The following CD8B2 variants were observed in gnomAD, a reference collection of about 807,000 sequenced individuals.
The protein encoded by CD8B2 is T-cell surface glycoprotein CD8 beta-2 chain.
In CD8B2, 11 loss-of-function variants were observed where a neutral mutation model predicts 23.7. That is an observed-to-expected ratio of 0.46 (90% CI 0.29 to 0.77). The LOEUF is 0.77. CD8B2 is among the 30% of genes least tolerant of loss of function. CD8B2 has a pLI of 0.09. For synonymous variants in CD8B2, 90 were observed against 109.3 expected, an observed-to-expected ratio of 0.82 and a Z score of 1.10; for missense variants, 197 against 270.5, an observed-to-expected ratio of 0.73 and a Z score of 1.91.
chr2:106,516,077 G>A (rs192356684), downstream of CD8B2, among the ~76,000 whole-genome samples: 705 of 151,736 alleles, frequency 4.6e-3, 2 homozygotes, highest in Non-Finnish European at 8.5e-3. Flanking sequence ...TAATCCACCC[G>A]CCTTGGCCTC....
chr2:106,501,965 A>G (rs1679416692), intron 3 of CD8B2, among the ~76,000 whole-genome samples: 1 of 152,188 alleles, frequency 6.6e-6, no homozygotes, highest in African/African-American at 2.4e-5. Flanking sequence ...GAAATTTTAT[A>G]ATAAAATGAT....
intron 3 of CD8B2, among the ~76,000 whole-genome samples, chr2:106,500,507 A>G (rs1679384313): frequency 6.7e-6 from 1 of 149,898 alleles, no homozygotes; most frequent in African/African-American, 2.5e-5. Context: ...CAACAACAGC[A>G]AAACTCCGTC....
chr2:106,500,001 C>G, intron 3 of CD8B2, among the ~76,000 whole-genome samples: 1 of 124,924 alleles, frequency 8.0e-6, no homozygotes, highest in Non-Finnish European at 1.6e-5. Context: ...GGCTTGTTCC[C>G]CTCTAGTGAC....
intron 5 of CD8B2, chr2:106,521,608 C>G (rs1679827388): frequency 6.6e-6 from 1 of 152,204 alleles, no homozygotes; most frequent in Non-Finnish European, 1.5e-5. Flanking sequence ...GGAGGGAGGC[C>G]TGGTGCTTTA....
chr2:106,535,977 A>G (rs1043454664), intron 5 of CD8B2, among the ~76,000 whole-genome samples: 12 of 150,128 alleles, frequency 8.0e-5, no homozygotes, highest in Non-Finnish European at 1.5e-5. Context: ...GGAGGCAGGT[A>G]TGTCTTACAT....
At chr2:106,505,375 GC>G (rs966852096) in intron 5 of CD8B2, among the ~76,000 whole-genome samples, 5 of 152,120 alleles carry the variant, frequency 3.3e-5, no homozygotes, top group African/African-American at 9.7e-5. Context: ...AATCCCGTCT[GC>G]CAATCACCAT....
intron 5 of CD8B2, among the ~76,000 whole-genome samples, chr2:106,540,711 C>T (rs866082019): frequency 1.1e-4 from 16 of 152,054 alleles, no homozygotes; most frequent in Non-Finnish European, 1.3e-4. Flanking sequence ...ATTACAGGCG[C>T]CTACCACCAC....
In CD8B2 at chr2:106,510,541, C is replaced by A. The variant is rs989712075; in HGVS notation, c.*3601C>A. On this transcript the variant is annotated 3_prime_UTR_variant, in exon 6 of 6. Transcript: ENST00000643224. ...CTCAGGAGTTTGAGAGCAGCCTAGG[C>A]AACATAGCAAGACCTCGACTCTACA... is the stretch of plus-strand genomic sequence containing the variant. 1 of 152,060 alleles carries A rather than the reference C, an allele frequency of 6.6e-6. No homozygotes were observed. Among genetic ancestry groups the A allele is most frequent in the African/African-American group, 2.4e-5 (1 of 41,390 alleles). The allele number at this position is 152,060 out of a possible 1,614,324, so 9.4% of individuals were successfully genotyped here. A position where few individuals can be genotyped will look rare whatever the true frequency, so the allele number is the denominator to read the frequency against.
chr2:106,516,920 A>G (rs1326811758), intron 5 of CD8B2, among the ~76,000 whole-genome samples: 1 of 148,298 alleles, frequency 6.7e-6, no homozygotes, highest in Non-Finnish European at 1.5e-5. Flanking sequence ...TATATGAAAT[A>G]GTATATATTG....
chr2:106,537,845 A>G (rs1680113210), intron 5 of CD8B2: 1 of 152,228 alleles, frequency 6.6e-6, no homozygotes, highest in Admixed American at 6.5e-5. Context: ...GACAAAGCAC[A>G]TTCAGAATCA....
rs535828525 is a variant in CD8B2 at position 106,541,496 on chromosome 2, C to T, written c.621-2496C>T. Among the ~76,000 whole-genome samples, 3 of 152,282 alleles carry T rather than the reference C, an allele frequency of 2.0e-5. No individual in the cohort carries two copies. The East Asian group carries it at 5.8e-4, about 29-fold the overall frequency. On this transcript the variant is annotated intron_variant, in intron 5 of 5. Transcript: ENST00000416057. Reference sequence around the variant, plus strand: ...GGCATCTAGCGGATATGTTGCTAAACATTGTGCAATGAACAGGACAGCTCC... The same window carrying T: ...GGCATCTAGCGGATATGTTGCTAAATATTGTGCAATGAACAGGACAGCTCC...
rs142808385 is a variant in CD8B2, at chr2:106,519,062, T to TCATCCATCCATC, written c.620+14754_620+14765dup. Among the ~76,000 whole-genome samples, 642 of 152,006 alleles carry TCATCCATCCATC rather than the reference T, an allele frequency of 4.2e-3. 4 individuals are homozygous for TCATCCATCCATC. The highest frequency in any genetic ancestry group is 0.014 in the African/African-American group (585 of 41,436). ...ATTCATTCCTCCATTCACTGCTCCA[T>TCATCCATCCATC]CATCCATCCATCCATCCATCCATCC... On this transcript the variant is annotated intron_variant, in intron 5 of 5. Transcript: ENST00000416057.
chr2:106,507,099 G>A lies in CD8B2; in HGVS notation c.*159G>A, dbSNP rs1432704591. 1.2e-5 allele frequency: 18 copies of A among 1,506,186 alleles called. No homozygotes were observed. Among genetic ancestry groups the A allele is most frequent in the African/African-American group, 2.8e-5 (2 of 71,352 alleles). The allele number at this position is 1,506,186 out of a possible 1,614,324, so 93.3% of individuals were successfully genotyped here. A position where few individuals can be genotyped will look rare whatever the true frequency, so the allele number is the denominator to read the frequency against. On this transcript the variant is annotated 3_prime_UTR_variant, in exon 6 of 6. Transcript: ENST00000643224. ...GCTGCAAGGCCTTTCTGTGTGTGACGTGCATGGGAGCAACTTGTTTGTGGG... is the reference window on the plus strand; with the variant it reads ...GCTGCAAGGCCTTTCTGTGTGTGACATGCATGGGAGCAACTTGTTTGTGGG...
At chr2:106,540,470 G>A (rs1680154846) in intron 5 of CD8B2, among the ~76,000 whole-genome samples, 3 of 152,190 alleles carry the variant, frequency 2.0e-5, no homozygotes, top group Admixed American at 1.3e-4. Context: ...AAGTCGGCTT[G>A]TTGTTCTGGG....
intron 3 of CD8B2, among the ~76,000 whole-genome samples, chr2:106,501,873 A>G (rs1168261963): frequency 6.6e-6 from 1 of 152,248 alleles, no homozygotes; most frequent in African/African-American, 2.4e-5. Flanking sequence ...TGTGAAAAAT[A>G]AAAGTTTTAA....
At chr2:106,490,082 C>T (rs1407184503) in intron 1 of CD8B2, among the ~76,000 whole-genome samples, 1 of 151,960 alleles carries the variant, frequency 6.6e-6, no homozygotes, top group African/African-American at 2.4e-5. Flanking sequence ...GGGTCATGGG[C>T]TGTAATTGTA....
rs1288889106 is a variant in CD8B2, at chr2:106,508,134, AGCC to A, written c.*1198_*1200del. The A allele has an allele frequency of 2.7e-5, 4 of 150,068 alleles. No individual in the cohort carries two copies. The East Asian group carries it at 7.8e-4, about 29-fold the overall frequency. 9.3% of individuals were successfully genotyped at this position (150,068 alleles called of 1,614,324 possible). ...TGAAAAAGTGCCTGAGACCCATCTTAGCCGCCCCTACCTGAGCTTTAGCAGCCT... is the reference window on the plus strand; with the variant it reads ...TGAAAAAGTGCCTGAGACCCATCTTAGCCCCTACCTGAGCTTTAGCAGCCT... On this transcript the variant is annotated 3_prime_UTR_variant, in exon 6 of 6. Coordinates refer to ENST00000643224, the MANE Select transcript of CD8B2 (RefSeq NM_001349727.2).
intron 5 of CD8B2, among the ~76,000 whole-genome samples, chr2:106,517,039 G>A (rs1679740056): frequency 6.7e-6 from 1 of 148,346 alleles, no homozygotes; most frequent in African/African-American, 2.5e-5. Context: ...TAATATACAT[G>A]AAATAAATAT....
chr2:106,537,927 G>A (rs1165145947), intron 5 of CD8B2: 1 of 152,166 alleles, frequency 6.6e-6, no homozygotes, highest in Non-Finnish European at 1.5e-5. Context: ...AATTAGCAGG[G>A]TAATGAATGT....
Sources: gnomAD v4.1 joint callset for allele counts (sites outside exome capture counted in the v4.1 genomes callset) on GRCh38, gnomAD v4.1.1 for gene constraint, MANE v1.5 for transcripts, NCBI Gene and HGNC (gene_info 2026-07-23, HGNC 2026-07-21) for gene names.